MICAL2: variants seen among roughly 807,000 people sequenced by gnomAD.
MICAL2 encodes microtubule associated monooxygenase, calponin and LIM domain containing 2.
MICAL2 carries 77 observed loss-of-function variants against 127.3 expected under a neutral mutation model. The ratio of observed to expected loss-of-function variants is 0.60; its 90% CI spans 0.50 to 0.73. The LOEUF (loss-of-function observed/expected upper bound fraction) is 0.73. MICAL2 is among the 30% of genes least tolerant of loss of function. The probability of loss-of-function intolerance (pLI) is 0.00; values close to 1 mark genes in which losing one functional copy is unlikely to be tolerated. For synonymous variants in MICAL2, 570 were observed against 551.1 expected, an observed-to-expected ratio of 1.03 and a Z score of -0.48; for missense variants, 1,351 against 1,434.4, an observed-to-expected ratio of 0.94 and a Z score of 0.94.
chr11:12,349,979 A>AG (rs1353735770), intron 33 of MICAL2: 15 of 1,545,238 alleles, frequency 9.7e-6, no homozygotes, highest in African/African-American at 2.7e-5. Flanking sequence ...CTAAAAGCAA[A>AG]GGGGCAAAGG....
chr11:12,152,854 G>T (rs1464515742), intron 2 of MICAL2, among the ~76,000 whole-genome samples: 1 of 152,058 alleles, frequency 6.6e-6, no homozygotes, highest in African/African-American at 2.4e-5. Flanking sequence ...AAGTATTTCA[G>T]AAAGTTAGCA....
chr11:12,258,431 G>A, intron 24 of MICAL2, 37 bp from the exon 25 acceptor site: 4 of 1,562,340 alleles, frequency 2.6e-6, no homozygotes, highest in South Asian at 1.1e-5. Context: ...GTTTACAGGA[G>A]AAAAATTTTT....
At chr11:12,294,414 CT>C (rs1863949408), downstream of MICAL2, 1 of 1,614,220 alleles carries the variant, frequency 6.2e-7, no homozygotes, top group African/African-American at 1.3e-5. Flanking sequence ...CAGCATTCCC[CT>C]GGGAGAAACC....
chr11:12,196,313 G>C (rs1859916729), intron 3 of MICAL2: 1 of 152,444 alleles, frequency 6.6e-6, no homozygotes, highest in Non-Finnish European at 1.5e-5. Context: ...TTTGCAGGGA[G>C]GGAATAAGAG....
chr11:12,118,005 C>T (rs550340232), intron 1 of MICAL2, among the ~76,000 whole-genome samples: 40 of 152,250 alleles, frequency 2.6e-4, no homozygotes, highest in Admixed American at 1.0e-3. Context: ...GAGAGCTTCC[C>T]GGCCACATGC....
At chr11:12,344,448 T>C (rs894279937) in intron 32 of MICAL2, among the ~76,000 whole-genome samples, 4 of 149,958 alleles carry the variant, frequency 2.7e-5, no homozygotes, top group African/African-American at 9.7e-5. Flanking sequence ...GCATGAATTA[T>C]GATCCTTGTC....
chr11:12,339,464 A>G (rs4433552), intron 32 of MICAL2, among the ~76,000 whole-genome samples: 18,882 of 152,104 alleles, frequency 0.12, 1,456 homozygotes, highest in South Asian at 0.22. Flanking sequence ...GTCATTCTCC[A>G]TCCAGCTTTG....
intron 32 of MICAL2, among the ~76,000 whole-genome samples, chr11:12,334,818 G>T (rs1033919473): frequency 3.3e-5 from 5 of 151,860 alleles, no homozygotes; most frequent in African/African-American, 9.7e-5. Context: ...GTATTCCATG[G>T]TGTATATGTA....
chr11:12,340,006 C>T (rs1168862783), intron 32 of MICAL2, among the ~76,000 whole-genome samples: 3 of 152,328 alleles, frequency 2.0e-5, no homozygotes, highest in Admixed American at 6.5e-5. Flanking sequence ...CCATCTTCTG[C>T]GTCGCTCACG....
At chr11:12,320,739 G>A (rs938303077) in intron 30 of MICAL2, among the ~76,000 whole-genome samples, 4 of 151,986 alleles carry the variant, frequency 2.6e-5, no homozygotes, top group African/African-American at 9.7e-5. Context: ...GTCACTCTGG[G>A]GTTCCAACTC....
In MICAL2 at chr11:12,138,411, T is replaced by A. The variant is rs774802887; in HGVS notation, c.-127T>A. ...AAAGGAACATGGCAACCCGTGTGTG[T>A]CTCATCCCAGAAAGAGAAGACTTTA... On this transcript the variant is annotated 5_prime_UTR_variant, in exon 2 of 28. The change creates a premature stop within an existing upstream ORF in the 5' untranslated region. Transcript: ENST00000683283. 3.3e-5 allele frequency: 5 copies of A among 152,222 alleles called. No homozygotes were observed. The highest frequency in any genetic ancestry group is 7.3e-5 in the Non-Finnish European group (5 of 68,038). 9.4% of individuals were successfully genotyped at this position (152,222 alleles called of 1,614,324 possible).
chr11:12,218,529 T>C (rs374221453), intron 8 of MICAL2, among the ~76,000 whole-genome samples: 1 of 152,344 alleles, frequency 6.6e-6, no homozygotes, highest in South Asian at 2.1e-4. Context: ...TTAGGGATGC[T>C]TGGGTCATAT....
intron 3 of MICAL2, among the ~76,000 whole-genome samples, chr11:12,176,233 C>CT (rs759997647): frequency 1.3e-5 from 2 of 152,142 alleles, no homozygotes; most frequent in African/African-American, 4.8e-5. Context: ...GATTTAAAGT[C>CT]TTTTTGGAAG....
intron 3 of MICAL2, among the ~76,000 whole-genome samples, chr11:12,183,109 G>A (rs1283789226): frequency 2.0e-5 from 3 of 152,000 alleles, no homozygotes; most frequent in African/African-American, 4.8e-5. Context: ...CAGGAAGTTA[G>A]GAGTATGTGG....
intron 32 of MICAL2, among the ~76,000 whole-genome samples, chr11:12,345,131 A>AAAAAAAAAAAAAAAG (rs1427548449): frequency 1.3e-5 from 2 of 151,020 alleles, no homozygotes; most frequent in African/African-American, 4.9e-5. Flanking sequence ...AAAAAAAGAA[A>AAAAAAAAAAAAAAAG]AAAGAAAGAA....
chr11:12,131,400 C>T (rs994660228), intron 1 of MICAL2, among the ~76,000 whole-genome samples: 1 of 152,178 alleles, frequency 6.6e-6, no homozygotes, highest in Non-Finnish European at 1.5e-5. Flanking sequence ...CCTTCTCATC[C>T]TCCAAGCTGG....
intron 3 of MICAL2, among the ~76,000 whole-genome samples, chr11:12,181,100 T>C (rs1857425154): frequency 6.6e-6 from 1 of 152,024 alleles, no homozygotes; most frequent in African/African-American, 2.4e-5. Context: ...CCTGCCACCA[T>C]GCCTGGATAA....
chr11:12,279,528 C>G (rs1014643245), intron 1 of MICAL2, among the ~76,000 whole-genome samples: 3 of 152,140 alleles, frequency 2.0e-5, no homozygotes, highest in African/African-American at 7.2e-5. Context: ...CGTAGGCAGG[C>G]CTGTTTCCAT....
At chr11:12,273,104 A>G (rs1863690042), upstream of MICAL2, among the ~76,000 whole-genome samples, 2 of 152,192 alleles carry the variant, frequency 1.3e-5, no homozygotes, top group Admixed American at 6.5e-5. Context: ...AACAGTGTCC[A>G]TTCATGGTTC....
Sources: allele counts gnomAD v4.1 joint callset (sites outside exome capture counted in the v4.1 genomes callset), GRCh38; gene constraint gnomAD v4.1.1; transcripts MANE v1.5; gene names NCBI Gene and HGNC (gene_info 2026-07-23, HGNC 2026-07-21).